The following RANBP17 variants were observed in gnomAD, a reference collection of about 807,000 sequenced individuals.
RANBP17 encodes the protein ran-binding protein 17.
Under a neutral mutation model 141.2 loss-of-function variants are expected in RANBP17, and 158 were observed. The ratio of observed to expected loss-of-function variants is 1.12; its 90% confidence interval spans 0.98 to 1.28. RANBP17 has a LOEUF of 1.28. RANBP17 is among the 50% of genes most tolerant of loss of function. The pLI, the probability that RANBP17 is intolerant of heterozygous loss-of-function variation, is 0.00. For missense variants in RANBP17, 1,438 were observed against 1,290.7 expected (o/e 1.11, Z -1.75); for synonymous variants, 430 against 450.0 (o/e 0.96, Z 0.56).
intron 5 of RANBP17, 25 bp from the exon 6 acceptor site, chr5:170,909,636 A>C: frequency 8.8e-7 from 1 of 1,138,384 alleles, no homozygotes; most frequent in Non-Finnish European, 1.3e-6. Context: ...GTCTGGTTAA[A>C]CTAATTTCAT....
At chr5:171,252,220 G>T in intron 24 of RANBP17, 1 of 1,574,270 alleles carries the variant, frequency 6.4e-7, no homozygotes, top group South Asian at 1.1e-5. Flanking sequence ...AAATACAATT[G>T]CTGATATTTT....
At chr5:171,250,855 G>T (rs1256633559) in intron 24 of RANBP17, among the ~76,000 whole-genome samples, 1 of 152,184 alleles carries the variant, frequency 6.6e-6, no homozygotes, top group Non-Finnish European at 1.5e-5. Flanking sequence ...GACTAAATTT[G>T]AAGAGACACA....
At chr5:171,269,903 T>C (rs991644650) in intron 25 of RANBP17, among the ~76,000 whole-genome samples, 2 of 152,230 alleles carry the variant, frequency 1.3e-5, no homozygotes, top group African/African-American at 4.8e-5. Context: ...GCTTGGAGTT[T>C]AGAGAGGGTT....
At chr5:171,125,700 A>G (rs973055139) in intron 14 of RANBP17, among the ~76,000 whole-genome samples, 10 of 152,234 alleles carry the variant, frequency 6.6e-5, no homozygotes, top group Admixed American at 5.2e-4. Context: ...CATTTAGCCC[A>G]ATACCTGCAA....
At chr5:171,261,199 T>A (rs1320045499) in intron 24 of RANBP17, among the ~76,000 whole-genome samples, 1 of 151,422 alleles carries the variant, frequency 6.6e-6, no homozygotes, top group Admixed American at 6.6e-5. Context: ...AAACCTTGTA[T>A]GTGTTGGGTG....
intron 14 of RANBP17, among the ~76,000 whole-genome samples, chr5:171,161,764 T>A (rs1027565454): frequency 2.0e-5 from 3 of 152,200 alleles, no homozygotes; most frequent in African/African-American, 7.2e-5. Flanking sequence ...CCAATTATAA[T>A]CAGTTATTAA....
intron 14 of RANBP17, among the ~76,000 whole-genome samples, chr5:170,992,844 G>A (rs991828529): frequency 2.6e-5 from 4 of 151,958 alleles, no homozygotes; most frequent in Non-Finnish European, 5.9e-5. Context: ...CAGATTAGCA[G>A]TGTCAGTCCA....
At chr5:171,023,695 G>A (rs1781036173) in intron 14 of RANBP17, among the ~76,000 whole-genome samples, 1 of 152,074 alleles carries the variant, frequency 6.6e-6, no homozygotes, top group Non-Finnish European at 1.5e-5. Context: ...GGCTTTCATA[G>A]TTTCTGACAA....
chr5:171,288,765 G>A (rs1034330101), intron 25 of RANBP17, among the ~76,000 whole-genome samples: 3 of 152,172 alleles, frequency 2.0e-5, no homozygotes, highest in African/African-American at 7.2e-5. Context: ...GGGAATACTT[G>A]TCAGGCACAG....
At chr5:171,174,751 A>AATGTGT (rs113368713) in intron 16 of RANBP17, among the ~76,000 whole-genome samples, 27 of 135,622 alleles carry the variant, frequency 2.0e-4, no homozygotes, top group Non-Finnish European at 3.4e-4. Context: ...AAATATCTAG[A>AATGTGT]GTGTGTGTGT....
At chr5:171,187,400 T>C (rs981615147) in intron 18 of RANBP17, among the ~76,000 whole-genome samples, 2 of 151,830 alleles carry the variant, frequency 1.3e-5, no homozygotes, top group African/African-American at 2.4e-5. Context: ...ATGATGCCAA[T>C]AGAATTGTTC....
chr5:171,196,745 T>C (rs568870494), intron 18 of RANBP17, among the ~76,000 whole-genome samples: 59 of 152,334 alleles, frequency 3.9e-4, no homozygotes, highest in Non-Finnish European at 7.8e-4. Flanking sequence ...ACACTAAGGC[T>C]TTGATGACTA....
At chr5:170,957,306 A>C (rs978747410) in intron 13 of RANBP17, among the ~76,000 whole-genome samples, 4 of 152,006 alleles carry the variant, frequency 2.6e-5, no homozygotes, top group Non-Finnish European at 4.4e-5. Context: ...ATTTTTCTGG[A>C]GGTTAGGGAG....
At chr5:171,282,842 G>A (rs1398724823) in intron 25 of RANBP17, among the ~76,000 whole-genome samples, 1 of 152,032 alleles carries the variant, frequency 6.6e-6, no homozygotes, top group Non-Finnish European at 1.5e-5. Context: ...CAGACCCTGT[G>A]GAGAATGGTT....
At position 171,242,820 on chromosome 5, in the gene RANBP17, G is replaced by C; in HGVS notation, c.2776G>C (p.Asp926His). 1 of 1,612,996 alleles carries C rather than the reference G, an allele frequency of 6.2e-7. No homozygotes were observed. Among genetic ancestry groups the C allele is most frequent in the Non-Finnish European group, 8.5e-7 (1 of 1,179,418 alleles). ...TATCTCAGAGGGACTCACTACTCTT[G>C]GTAAGGATCATAGAGGACATTGTTT... Reference protein sequence around the residue: ...TSISEGLTTLDTVVSSSCCTS... With the variant: ...TSISEGLTTLHTVVSSSCCTS... Residue 926 changes from aspartate (D) to histidine (H), a missense_variant and splice_region_variant, in exon 24 of 28, where the codon GAT (aspartate) becomes CAT (histidine). Transcript: ENST00000523189.
At chr5:170,868,749 T>C (rs1432213648) in intron 1 of RANBP17, among the ~76,000 whole-genome samples, 1 of 152,202 alleles carries the variant, frequency 6.6e-6, no homozygotes, top group Non-Finnish European at 1.5e-5. Flanking sequence ...CTGAGACCAT[T>C]CTCATATTAA....
chr5:171,104,247 G>A (rs1787387667), intron 14 of RANBP17, among the ~76,000 whole-genome samples: 1 of 152,096 alleles, frequency 6.6e-6, no homozygotes. Flanking sequence ...ATGTTGGTCA[G>A]GCTGGTCTCG....
intron 20 of RANBP17, among the ~76,000 whole-genome samples, chr5:171,211,417 A>C (rs1369693377): frequency 3.9e-5 from 6 of 151,914 alleles, no homozygotes. Context: ...GAGCGCCACT[A>C]TGCCTGGCTA....
chr5:171,261,558 G>C (rs763476715), intron 24 of RANBP17, among the ~76,000 whole-genome samples: 2 of 152,196 alleles, frequency 1.3e-5, no homozygotes, highest in African/African-American at 2.4e-5. Flanking sequence ...TTTCAATGAT[G>C]GGTCTTAGTG....
Sources: gnomAD v4.1 joint callset for allele counts (sites outside exome capture counted in the v4.1 genomes callset) on GRCh38, gnomAD v4.1.1 for gene constraint, MANE v1.5 for transcripts, NCBI Gene and HGNC (gene_info 2026-07-23, HGNC 2026-07-21) for gene names.